Variants in CADPS observed in about 807,000 individuals in gnomAD.
The protein encoded by CADPS is calcium-dependent secretion activator 1.
A neutral mutation model predicts 167.3 loss-of-function variants in CADPS; 57 were observed. The observed-to-expected ratio is 0.34, with a 90% CI of 0.28 to 0.42. The LOEUF (loss-of-function observed/expected upper bound fraction) is 0.42, where lower values mean the gene tolerates loss of function less well. Among genes scored for constraint, CADPS ranks in the 20% least tolerant of loss-of-function variants. The pLI is 1.00. For missense variants in CADPS, 1,414 were observed against 1,738.1 expected, an observed-to-expected ratio of 0.81 and a Z score of 3.32; for synonymous variants, 676 against 635.3, an observed-to-expected ratio of 1.06 and a Z score of -0.96.
rs367721189 is a variant in CADPS, at chr3:62,753,409, A to G, written c.888+32T>C. The stretch of plus-strand genomic sequence containing the variant: ...AGTTGGAATGCAGCTCTGCTTACCC[A>G]CAGCTCTAGGCCCAGGCGAGAAACA... On this transcript the variant is annotated intron_variant, in intron 3 of 29. Transcript: ENST00000383710. The surrounding 1 kb of genome is among the most constrained non-coding windows in gnomAD (Gnocchi z 4.6). 1.1e-5 allele frequency: 17 copies of G among 1,528,384 alleles called. No individual in the cohort carries two copies. The highest frequency in any genetic ancestry group is 1.1e-4 in the African/African-American group (8 of 72,844). 94.7% of individuals were successfully genotyped at this position (1,528,384 alleles called of 1,614,324 possible).
At chr3:62,756,953 G>C (rs2084075291) in intron 2 of CADPS, among the ~76,000 whole-genome samples, 1 of 152,032 alleles carries the variant, frequency 6.6e-6, no homozygotes, top group South Asian at 2.1e-4. Context: ...TTCATTTTAA[G>C]GGCATTGGAA....
At chr3:62,540,409 A>G (rs2152089189) in intron 11 of CADPS, among the ~76,000 whole-genome samples, 1 of 152,190 alleles carries the variant, frequency 6.6e-6, no homozygotes, top group Non-Finnish European at 1.5e-5. Flanking sequence ...GCCAGCTCTT[A>G]GAGGAGCCAG....
At position 62,446,597 on chromosome 3, in the gene CADPS, G is replaced by A. The variant is rs547611004; in HGVS notation, c.3637-800C>T. ...ATTATTAGTAATAGTGCTTATTTCC[G>A]CAGGTTGATAAGGGTGAATTCACAC... On this transcript the variant is annotated intron_variant, in intron 26 of 29. Transcript: ENST00000383710. The surrounding 1 kb of genome is among the most constrained non-coding windows in gnomAD (Gnocchi z 4.9). Among the ~76,000 whole-genome samples the A allele has an allele frequency of 2.4e-4, 37 of 152,226 alleles. No individual in the cohort carries two copies. Among genetic ancestry groups the A allele is most frequent in the African/African-American group, 7.5e-4 (31 of 41,520 alleles).
At chr3:62,772,112 T>A (rs545398197) in intron 1 of CADPS, among the ~76,000 whole-genome samples, 15 of 152,272 alleles carry the variant, frequency 9.9e-5, no homozygotes, top group African/African-American at 3.6e-4. Flanking sequence ...TAATAATATA[T>A]AGCATAGTAT....
intron 26 of CADPS, among the ~76,000 whole-genome samples, chr3:62,453,158 T>A (rs2058284661): frequency 6.6e-6 from 1 of 151,822 alleles, no homozygotes. Flanking sequence ...ATAAACAATA[T>A]AATAATAGTA....
At chr3:62,719,835 AC>A (rs1304149798) in intron 3 of CADPS, among the ~76,000 whole-genome samples, 1 of 152,176 alleles carries the variant, frequency 6.6e-6, no homozygotes, top group Non-Finnish European at 1.5e-5. Context: ...ACTACTTTTA[AC>A]CTTGGGATTT....
At chr3:62,410,294 T>C (rs2048716034) in intron 28 of CADPS, among the ~76,000 whole-genome samples, 1 of 152,238 alleles carries the variant, frequency 6.6e-6, no homozygotes, top group South Asian at 2.1e-4. Flanking sequence ...CTATTGTTAG[T>C]TCTTTTCTAA....
Position 62,753,840 on chromosome 3 carries a change from C to G in CADPS, c.556-67G>C. 6.9e-7 allele frequency: 1 copy of G among 1,450,824 alleles called. No homozygotes were observed. The allele number at this position is 1,450,824 out of a possible 1,614,324, so 89.9% of individuals were successfully genotyped here. ...CCACAGAGGTACCAGTTCCCTGGGG[C>G]TGGACACTGGGCCAGTCCACCTCAC... On this transcript the variant is annotated intron_variant, in intron 2 of 29. Transcript: ENST00000383710. The surrounding 1 kb of genome is among the most constrained non-coding windows in gnomAD (Gnocchi z 4.6).
chr3:62,568,487 G>A (rs1407564056), intron 9 of CADPS, among the ~76,000 whole-genome samples: 1 of 152,136 alleles, frequency 6.6e-6, no homozygotes, highest in Non-Finnish European at 1.5e-5. Flanking sequence ...AATGCCCTTG[G>A]GCATCAGACT....
chr3:62,534,442 T>C (rs1323104798), intron 12 of CADPS, among the ~76,000 whole-genome samples: 1 of 152,210 alleles, frequency 6.6e-6, no homozygotes, highest in Non-Finnish European at 1.5e-5. Context: ...TTTCAAATTA[T>C]AAGTTACTGC....
intron 6 of CADPS, among the ~76,000 whole-genome samples, chr3:62,603,587 T>C (rs2060272367): frequency 6.6e-6 from 1 of 152,214 alleles, no homozygotes; most frequent in South Asian, 2.1e-4. Context: ...TCTGTTTGCA[T>C]ACCTGTATAA....
At chr3:62,510,252 C>T (rs1357813801) in intron 17 of CADPS, among the ~76,000 whole-genome samples, 1 of 143,914 alleles carries the variant, frequency 6.9e-6, no homozygotes, top group African/African-American at 2.6e-5. Flanking sequence ...TTATTTCTGT[C>T]TATATCTATC....
chr3:62,853,575 G>C (rs555782469), intron 1 of CADPS, among the ~76,000 whole-genome samples: 6 of 148,154 alleles, frequency 4.0e-5, no homozygotes, highest in African/African-American at 1.5e-4. Context: ...CAGTGAGCCC[G>C]CATCGTGTCA....
intron 28 of CADPS, among the ~76,000 whole-genome samples, chr3:62,434,117 A>G (rs2054513101): frequency 6.6e-6 from 1 of 152,234 alleles, no homozygotes; most frequent in African/African-American, 2.4e-5. Context: ...TTAAAAATTC[A>G]GCATCTTTAA....
intron 6 of CADPS, among the ~76,000 whole-genome samples, chr3:62,641,970 C>T (rs937653554): frequency 6.6e-6 from 1 of 152,002 alleles, no homozygotes; most frequent in Non-Finnish European, 1.5e-5. Context: ...TGAGCAGGGT[C>T]CTGGCCATAA....
chr3:62,558,438 GC>G (rs1315606713), intron 9 of CADPS, among the ~76,000 whole-genome samples: 1 of 152,192 alleles, frequency 6.6e-6, no homozygotes, highest in Non-Finnish European at 1.5e-5. Flanking sequence ...CTAGCTTTGG[GC>G]TAAATGCTCT....
intron 1 of CADPS, among the ~76,000 whole-genome samples, chr3:62,785,776 G>A (rs190794220): frequency 5.3e-5 from 8 of 152,136 alleles, no homozygotes; most frequent in Non-Finnish European, 8.8e-5. Context: ...TTTGATATAT[G>A]GATCTTTATC....
chr3:62,812,228 T>C (rs552975562), intron 1 of CADPS, among the ~76,000 whole-genome samples: 3 of 152,306 alleles, frequency 2.0e-5, no homozygotes, highest in Non-Finnish European at 2.9e-5. Flanking sequence ...TTAAGTTACT[T>C]TTATATACTT....
rs563783812 is a variant in CADPS, at chr3:62,486,787, C to G, written c.3026+4552G>C. ...GTGGTGTTACAGTGCTGTGACTGCT[C>G]CTGCAGAGCAGGGCTTTCCCACAGG... On this transcript the variant is annotated intron_variant, in intron 21 of 29. Transcript: ENST00000383710. Among the ~76,000 whole-genome samples the G allele has an allele frequency of 2.0e-5, 3 of 152,312 alleles. No individual in the cohort carries two copies. The South Asian group carries it at 6.2e-4, about 32-fold the overall frequency.
Sources: gnomAD v4.1 joint callset for allele counts (sites outside exome capture counted in the v4.1 genomes callset) on GRCh38, gnomAD v4.1.1 for gene constraint, Gnocchi (gnomAD v3.1) non-coding constraint, MANE v1.5 for transcripts, NCBI Gene and HGNC (gene_info 2026-07-23, HGNC 2026-07-21) for gene names.